SLC6A13: variants seen among roughly 807,000 people sequenced by gnomAD.
SLC6A13 encodes solute carrier family 6 member 13.
Under a neutral mutation model 72.9 loss-of-function variants are expected in SLC6A13, and 69 were observed. The observed-to-expected ratio is 0.95, with a 90% confidence interval of 0.78 to 1.16. The LOEUF (loss-of-function observed/expected upper bound fraction) is 1.16. Among genes scored for constraint, SLC6A13 ranks in the 50% most tolerant of loss-of-function variants. The pLI is 0.00. For missense variants in SLC6A13, 735 were observed against 760.5 expected, an observed-to-expected ratio of 0.97 and a Z score of 0.39; for synonymous variants, 303 against 303.0, an observed-to-expected ratio of 1.00 and a Z score of 0.00.
At chr12:223,048 C>A in intron 12 of SLC6A13, 84 bp downstream of exon 12, 1 of 807,910 alleles carries the variant, frequency 1.2e-6, no homozygotes, top group South Asian at 1.6e-5. Flanking sequence ...TAAGTGCGAG[C>A]AGTAGATGTC....
At chr12:249,041 T>C (rs892833215) in intron 2 of SLC6A13, among the ~76,000 whole-genome samples, 13 of 152,188 alleles carry the variant, frequency 8.5e-5, no homozygotes, top group African/African-American at 2.9e-4. Flanking sequence ...ATGGCTCTAC[T>C]GAAGTAATCA....
At chr12:221,205 C>T (rs1458940146) in intron 14 of SLC6A13, 135 bp from the exon 15 acceptor site, 19 of 1,349,576 alleles carry the variant, frequency 1.4e-5, no homozygotes, top group Non-Finnish European at 1.8e-5. Flanking sequence ...CTGGGAGTCC[C>T]CCTGTGTCTT....
chr12:238,639 G>C (rs1299726930), intron 4 of SLC6A13, among the ~76,000 whole-genome samples: 1 of 152,188 alleles, frequency 6.6e-6, no homozygotes, highest in Non-Finnish European at 1.5e-5. Flanking sequence ...TTTTAGGTTT[G>C]ATAAATACAA....
intron 2 of SLC6A13, among the ~76,000 whole-genome samples, chr12:250,868 TG>T (rs780673297): frequency 3.4e-5 from 4 of 118,566 alleles, no homozygotes; most frequent in Non-Finnish European, 5.1e-5. Context: ...AAACAGGGCC[TG>T]GCGCAGTGGC....
intron 7 of SLC6A13, among the ~76,000 whole-genome samples, chr12:233,331 G>A (rs1203689991): frequency 6.6e-6 from 1 of 152,212 alleles, no homozygotes; most frequent in East Asian, 1.9e-4. Context: ...AAGAGGGGAA[G>A]GTAAGAGACC....
intron 1 of SLC6A13, 103 bp from the exon 2 acceptor site, chr12:260,160 G>T: frequency 2.4e-6 from 3 of 1,269,224 alleles, no homozygotes; most frequent in Non-Finnish European, 3.3e-6. Flanking sequence ...TGCACTGGAA[G>T]AGGTGAATTT....
intron 3 of SLC6A13, 151 bp downstream of exon 3, chr12:243,528 G>T (rs1942242600): frequency 1.4e-6 from 1 of 709,362 alleles, no homozygotes. Flanking sequence ...CAGCTGACTA[G>T]CTCAGTATGC....
chr12:224,907 G>C (rs1041235420), intron 9 of SLC6A13, among the ~76,000 whole-genome samples: 1 of 152,232 alleles, frequency 6.6e-6, no homozygotes, highest in African/African-American at 2.4e-5. Flanking sequence ...GGCTGGGCCT[G>C]GTGGGAAGAG....
rs1273277746 is a variant in SLC6A13 at position 222,552 on chromosome 12, G to A, written c.1495C>T (p.Leu499Phe). ...CTTACTGTGCACACAGCTGGTGTGA[G>A]GAAGAGCCAACAGTATTTGATAAGA... Reference protein sequence around the residue: ...WPLIKYCWLFLTPAVCTATFL... With the variant: ...WPLIKYCWLFFTPAVCTATFL... The change falls in exon 13 of 15, where the codon CTC (leucine) becomes TTC (phenylalanine). Residue 499 changes from leucine (L) to phenylalanine (F), a missense_variant. By Grantham distance (22) the Leu-to-Phe change is conservative (BLOSUM62 0). Coordinates refer to ENST00000343164, the MANE Select transcript of SLC6A13 (RefSeq NM_016615.5). 1.2e-6 allele frequency: 2 copies of A among 1,607,282 alleles called. No individual in the cohort carries two copies. Among genetic ancestry groups the A allele is most frequent in the Non-Finnish European group, 8.5e-7 (1 of 1,175,512 alleles).
At chr12:244,871 C>G (rs1942293001) in intron 2 of SLC6A13, among the ~76,000 whole-genome samples, 1 of 152,226 alleles carries the variant, frequency 6.6e-6, no homozygotes, top group Admixed American at 6.5e-5. Context: ...AATTACCCAT[C>G]TCAGGTGTTC....
At chr12:223,104 G>A (rs954481237) in intron 12 of SLC6A13, 28 bp downstream of exon 12, 8 of 1,373,898 alleles carry the variant, frequency 5.8e-6, no homozygotes, top group African/African-American at 1.4e-5. Context: ...AGAGGAGGAT[G>A]CTGGGACCTA....
intron 7 of SLC6A13, among the ~76,000 whole-genome samples, chr12:234,200 A>G (rs953250118): frequency 1.3e-5 from 2 of 152,118 alleles, no homozygotes; most frequent in Admixed American, 1.3e-4. Context: ...GGGCCTCACC[A>G]CCAATTATAT....
At chr12:245,266 C>T (rs901975027) in intron 2 of SLC6A13, among the ~76,000 whole-genome samples, 5 of 152,336 alleles carry the variant, frequency 3.3e-5, no homozygotes, top group Middle Eastern at 3.4e-3. Flanking sequence ...TCCTCAGTAA[C>T]GGGGAATAAT....
chr12:262,391 A>G (rs948128634), intron 1 of SLC6A13, among the ~76,000 whole-genome samples: 1 of 152,260 alleles, frequency 6.6e-6, no homozygotes, highest in Non-Finnish European at 1.5e-5. Flanking sequence ...ATACTTAGCT[A>G]TAAGAATTAA....
chr12:237,147 C>G lies in SLC6A13; in HGVS notation c.696+11G>C. On this transcript the variant is annotated intron_variant, in intron 6 of 14. Transcript: ENST00000343164. ...CCGGGAATGGGAGGGGCAGGAGCTC[C>G]CCACACGAACCTTGCCTGTGGACTT... 4.3e-6 allele frequency: 7 copies of G among 1,613,766 alleles called. No homozygotes were observed. Among genetic ancestry groups the G allele is most frequent in the Non-Finnish European group, 5.9e-6 (7 of 1,179,828 alleles).
intron 2 of SLC6A13, among the ~76,000 whole-genome samples, chr12:255,573 G>A (rs11062167): frequency 0.36 from 54,985 of 152,182 alleles, 12,944 homozygotes; most frequent in Non-Finnish European, 0.53. Flanking sequence ...GCGCGCGCCT[G>A]TAGTCCCAGC....
intron 13 of SLC6A13, among the ~76,000 whole-genome samples, 180 bp from the exon 14 acceptor site, chr12:221,726 G>A (rs1399466431): frequency 6.6e-6 from 1 of 152,196 alleles, no homozygotes; most frequent in African/African-American, 2.4e-5. Flanking sequence ...ACACCCTCCA[G>A]CAGTGTACTC....
At chr12:227,452 C>T (rs1241829707) in intron 8 of SLC6A13, 113 bp downstream of exon 8, 3 of 1,535,474 alleles carry the variant, frequency 2.0e-6, no homozygotes, top group Non-Finnish European at 8.8e-7. Flanking sequence ...GGGGTGTAGA[C>T]AGGGGGGCAG....
At chr12:224,191 C>T (rs766679614) in intron 10 of SLC6A13, 62 bp from the exon 11 acceptor site, 81 of 1,597,726 alleles carry the variant, frequency 5.1e-5, no homozygotes, top group East Asian at 6.7e-5. Flanking sequence ...TGTCCATGAG[C>T]GCTGGCTTCT....
Sources: allele counts gnomAD v4.1 joint callset (sites outside exome capture counted in the v4.1 genomes callset), GRCh38; gene constraint gnomAD v4.1.1; transcripts MANE v1.5; gene names NCBI Gene and HGNC (gene_info 2026-07-23, HGNC 2026-07-21).